Variants in LHFPL2 observed in about 807,000 individuals in gnomAD.
LHFPL2 encodes LHFPL tetraspan subfamily member 2, also known as LHFPL tetraspan subfamily member 2 protein.
Under a neutral mutation model 17.5 loss-of-function variants are expected in LHFPL2, and 7 were observed. The observed-to-expected ratio is 0.40, with a 90% CI of 0.23 to 0.75. The LOEUF is 0.75. LHFPL2 is among the 30% of genes least tolerant of loss of function. The pLI is 0.37. For missense variants in LHFPL2, 241 were observed against 294.8 expected (o/e 0.82, Z 1.34); for synonymous variants, 134 against 116.2 (o/e 1.15, Z -0.99).
In LHFPL2 at chr5:78,576,442, T is replaced by C. The variant is rs577824306; in HGVS notation, c.-244-11571A>G. 9.2e-5 allele frequency among the ~76,000 whole-genome samples: 14 copies of C among 152,348 alleles called. No homozygotes were observed. In the South Asian group the frequency reaches 2.7e-3, roughly 29 times the overall value. ...TGCTCTCCTGTCCGCTGAGCACCTTTATCAGCCTTAAATTTCTCCCATTCC... is the reference window on the plus strand; with the variant it reads ...TGCTCTCCTGTCCGCTGAGCACCTTCATCAGCCTTAAATTTCTCCCATTCC... On this transcript the variant is annotated intron_variant, in intron 2 of 4. Transcript: ENST00000380345.
At chr5:78,564,253 C>T (rs1332276239) in intron 3 of LHFPL2, among the ~76,000 whole-genome samples, 1 of 152,100 alleles carries the variant, frequency 6.6e-6, no homozygotes, top group Non-Finnish European at 1.5e-5. Flanking sequence ...TAAATGTGTA[C>T]TGTACAAGAT....
chr5:78,609,516 C>T (rs1451933255), intron 2 of LHFPL2, among the ~76,000 whole-genome samples: 4 of 133,204 alleles, frequency 3.0e-5, no homozygotes, highest in Admixed American at 1.5e-4. Context: ...CACATCTATA[C>T]AATGGAATAT....
rs1745972384 is a variant in LHFPL2, at chr5:78,648,540, T to TCC, written c.-393_-392dup. ...GTCTCCGGCTCCGAGCCCGCAGCCT[T>TCC]CCCCAAGTCAGGGCTTTCAGTGACG... is the stretch of plus-strand genomic sequence containing the variant. On this transcript the variant is annotated 5_prime_UTR_variant, in exon 1 of 5. Transcript: ENST00000380345. The surrounding 1 kb of genome is among the most constrained non-coding windows in gnomAD (Gnocchi z 5.4). The TCC allele has an allele frequency of 6.6e-6, 1 of 152,000 alleles. No homozygotes were observed. The allele number at this position is 152,000 out of a possible 1,614,324, so 9.4% of individuals were successfully genotyped here. A position where few individuals can be genotyped will look rare whatever the true frequency, so the allele number is the denominator to read the frequency against.
At chr5:78,622,856 T>C (rs1296833163) in intron 2 of LHFPL2, among the ~76,000 whole-genome samples, 1 of 152,174 alleles carries the variant, frequency 6.6e-6, no homozygotes, top group Non-Finnish European at 1.5e-5. Flanking sequence ...AGATACAGAC[T>C]GAGACACCAC....
At chr5:78,531,185 G>A (rs542768931) in intron 3 of LHFPL2, among the ~76,000 whole-genome samples, 179 of 152,304 alleles carry the variant, frequency 1.2e-3, no homozygotes, top group African/African-American at 4.1e-3. Flanking sequence ...GGAGGCTGAG[G>A]CAGGCGGATC....
chr5:78,583,034 T>G (rs1259043807), intron 2 of LHFPL2, among the ~76,000 whole-genome samples: 3 of 152,218 alleles, frequency 2.0e-5, no homozygotes, highest in Admixed American at 6.5e-5. Flanking sequence ...CCTTTAGCAT[T>G]ATGTAATGGC....
At chr5:78,566,784 T>C (rs1756871345) in intron 2 of LHFPL2, among the ~76,000 whole-genome samples, 1 of 152,254 alleles carries the variant, frequency 6.6e-6, no homozygotes, top group African/African-American at 2.4e-5. Context: ...AAAATGGTTC[T>C]TTGTTAACTT....
intron 2 of LHFPL2, among the ~76,000 whole-genome samples, chr5:78,611,229 C>G (rs985290965): frequency 1.3e-5 from 2 of 152,216 alleles, no homozygotes; most frequent in Non-Finnish European, 2.9e-5. Context: ...CGTCCCCAGG[C>G]AGAGCACAGG....
intron 2 of LHFPL2, chr5:78,625,069 G>A (rs146353082): frequency 3.4e-4 from 52 of 152,294 alleles, no homozygotes; most frequent in African/African-American, 1.2e-3. Flanking sequence ...CCTTGGTTGG[G>A]GCCCATGGCA....
At chr5:78,525,700 T>C (rs16875593) in intron 3 of LHFPL2, among the ~76,000 whole-genome samples, 1,963 of 152,316 alleles carry the variant, frequency 0.013, 40 homozygotes, top group African/African-American at 0.043. Flanking sequence ...AGAAATATCC[T>C]GACACAAAGA....
At chr5:78,536,936 C>A (rs1755966021) in intron 3 of LHFPL2, among the ~76,000 whole-genome samples, 3 of 152,176 alleles carry the variant, frequency 2.0e-5, no homozygotes, top group African/African-American at 7.2e-5. Context: ...CGCCTTCAGT[C>A]TTCCTTAAAG....
intron 3 of LHFPL2, among the ~76,000 whole-genome samples, chr5:78,536,346 G>A (rs546822089): frequency 7.1e-4 from 108 of 152,278 alleles, no homozygotes; most frequent in Non-Finnish European, 1.4e-3. Flanking sequence ...GAAAATAGGC[G>A]AGTGTCACTT....
intron 4 of LHFPL2, among the ~76,000 whole-genome samples, chr5:78,504,859 G>C (rs1415485403): frequency 6.6e-6 from 1 of 152,224 alleles, no homozygotes; most frequent in East Asian, 1.9e-4. Flanking sequence ...GGTCAGACTG[G>C]TGGGGCAGCT....
At chr5:78,572,821 T>C (rs1757036755) in intron 2 of LHFPL2, among the ~76,000 whole-genome samples, 1 of 152,164 alleles carries the variant, frequency 6.6e-6, no homozygotes. Flanking sequence ...GAATACAATT[T>C]TTCTGTGGGC....
chr5:78,569,742 C>G (rs1756948027), intron 2 of LHFPL2, among the ~76,000 whole-genome samples: 1 of 152,228 alleles, frequency 6.6e-6, no homozygotes, highest in Non-Finnish European at 1.5e-5. Flanking sequence ...AACGCCGGCC[C>G]TGCCACTCAA....
intron 1 of LHFPL2, among the ~76,000 whole-genome samples, chr5:78,643,179 G>T (rs1367820529): frequency 6.6e-6 from 1 of 152,106 alleles, no homozygotes; most frequent in Admixed American, 6.5e-5. Context: ...ACTACTGTCA[G>T]CGCCCTGGCT....
intron 1 of LHFPL2, among the ~76,000 whole-genome samples, chr5:78,643,782 C>T (rs1264351085): frequency 6.6e-6 from 1 of 152,094 alleles, no homozygotes; most frequent in African/African-American, 2.4e-5. Context: ...TCATCAGGGT[C>T]GGGCATGGTG....
chr5:78,492,881 T>C (rs1228609934), intron 4 of LHFPL2, among the ~76,000 whole-genome samples: 1 of 152,150 alleles, frequency 6.6e-6, no homozygotes, highest in Non-Finnish European at 1.5e-5. Context: ...AAGAGCGCCT[T>C]AACCCAGGGC....
chr5:78,578,835 T>C (rs1757202858), intron 2 of LHFPL2, among the ~76,000 whole-genome samples: 1 of 152,206 alleles, frequency 6.6e-6, no homozygotes, highest in Non-Finnish European at 1.5e-5. Flanking sequence ...AGTAGAATGT[T>C]TGTTCCCAGC....
Sources: gnomAD v4.1 joint callset for allele counts (sites outside exome capture counted in the v4.1 genomes callset) on GRCh38, gnomAD v4.1.1 for gene constraint, Gnocchi (gnomAD v3.1) non-coding constraint, MANE v1.5 for transcripts, NCBI Gene and HGNC (gene_info 2026-07-23, HGNC 2026-07-21) for gene names.